The following ATP1B1 variants were observed in gnomAD, a reference collection of about 807,000 sequenced individuals.
ATP1B1 encodes the protein sodium/potassium-transporting ATPase subunit beta-1.
A neutral mutation model predicts 39.6 loss-of-function variants in ATP1B1; 3 were observed. The ratio of observed to expected loss-of-function variants is 0.08; its 90% CI spans 0.03 to 0.20. The LOEUF is 0.20. Ranked by LOEUF, ATP1B1 falls within the 10% of genes least tolerant of loss-of-function variation. The pLI is 1.00. For missense variants in ATP1B1, 216 were observed against 371.1 expected, an observed-to-expected ratio of 0.58 and a Z score of 3.43; for synonymous variants, 139 against 135.0, an observed-to-expected ratio of 1.03 and a Z score of -0.20.
At chr1:169,116,228 C>G (rs569316619) in intron 2 of ATP1B1, among the ~76,000 whole-genome samples, 15 of 152,372 alleles carry the variant, frequency 9.8e-5, no homozygotes, top group Non-Finnish European at 2.1e-4. Context: ...TCCCCCACCT[C>G]AGGCTCACTT....
Position 169,132,611 on chromosome 1 carries a change from A to G in ATP1B1, c.*1056A>G. 1.8e-6 allele frequency: 1 copy of G among 559,264 alleles called. No individual in the cohort carries two copies. The highest frequency in any genetic ancestry group is 2.8e-5 in the South Asian group (1 of 36,010). The allele number at this position is 559,264 out of a possible 1,614,324, so 34.6% of individuals were successfully genotyped here. ...TAGACTGGTGTTAAATGTTGTCTAC[A>G]GTGCAAAATCCATGTTCTAACATAT... is the stretch of plus-strand genomic sequence containing the variant. On this transcript the variant is annotated 3_prime_UTR_variant, in exon 6 of 6. Coordinates refer to ENST00000367815, the MANE Select transcript of ATP1B1 (RefSeq NM_001677.4).
chr1:169,113,513 C>A (rs1261938203), intron 2 of ATP1B1, among the ~76,000 whole-genome samples: 3 of 151,942 alleles, frequency 2.0e-5, no homozygotes, highest in Non-Finnish European at 4.4e-5. Context: ...ACTAAAAATT[C>A]TCTTTGTGCC....
chr1:169,117,486 C>T (rs1289406768), intron 2 of ATP1B1, among the ~76,000 whole-genome samples: 3 of 152,056 alleles, frequency 2.0e-5, no homozygotes, highest in Admixed American at 6.5e-5. Flanking sequence ...ACAGATCTTA[C>T]ATTGTATGCC....
At chr1:169,120,371 G>T (rs957018219) in intron 2 of ATP1B1, among the ~76,000 whole-genome samples, 1 of 152,176 alleles carries the variant, frequency 6.6e-6, no homozygotes, top group African/African-American at 2.4e-5. Context: ...TAAGGCTTAT[G>T]TTAGTTACCA....
chr1:169,131,512 G>A lies in ATP1B1; in HGVS notation c.869G>A (p.Arg290His), dbSNP rs1381693637. ...AACATTGGGTACAGTGAGAAAGACC[G>A]TTTTCAGGGACGTTTTGATGTAAAA... ...GENIGYSEKD[R>H]FQGRFDVKIE... is the part of the protein sequence containing the mutation. Residue 290 changes from arginine (R) to histidine (H), a missense_variant, in exon 6 of 6, where the codon CGT (arginine) becomes CAT (histidine). Arg to His is a conservative substitution (Grantham distance 29, BLOSUM62 0). Coordinates refer to ENST00000367815, the MANE Select transcript of ATP1B1 (RefSeq NM_001677.4). The surrounding 1 kb of genome is among the most constrained non-coding windows in gnomAD (Gnocchi z 4.4). 1.9e-6 allele frequency: 3 copies of A among 1,613,878 alleles called. No individual in the cohort carries two copies. The highest frequency in any genetic ancestry group is 2.5e-6 in the Non-Finnish European group (3 of 1,179,946).
intron 1 of ATP1B1, chr1:169,108,286 T>A (rs1657648257): frequency 6.6e-6 from 1 of 152,190 alleles, no homozygotes; most frequent in Non-Finnish European, 1.5e-5. Context: ...TGGGGAGACT[T>A]CTTCATTGAG....
In ATP1B1 at chr1:169,127,306, G is replaced by T. The variant is rs376981775; in HGVS notation, c.465G>T (p.Trp155Cys). Residue 155 changes from tryptophan (W) to cysteine (C), a missense_variant, in exon 4 of 6, where the codon TGG becomes TGT. Coordinates refer to ENST00000367815, the MANE Select transcript of ATP1B1 (RefSeq NM_001677.4). ...AGGTCTGCAGATTCAAGCTTGAATGGCTGGGAAATTGCTCTGGATTAAATG... is the reference window on the plus strand; with the variant it reads ...AGGTCTGCAGATTCAAGCTTGAATGTCTGGGAAATTGCTCTGGATTAAATG... ...ERKVCRFKLEWLGNCSGLNDE... is the reference protein window; with the variant it reads ...ERKVCRFKLECLGNCSGLNDE... 2 of 1,610,878 alleles carry T rather than the reference G, an allele frequency of 1.2e-6. No individual in the cohort carries two copies. Among genetic ancestry groups the T allele is most frequent in the Non-Finnish European group, 1.7e-6 (2 of 1,178,972 alleles).
At chr1:169,128,214 C>T (rs563628115) in intron 4 of ATP1B1, among the ~76,000 whole-genome samples, 27 of 152,178 alleles carry the variant, frequency 1.8e-4, no homozygotes, top group South Asian at 1.0e-3. Flanking sequence ...CCTAATCACC[C>T]GTATATGAGC....
chr1:169,117,507 T>C (rs1031168535), intron 2 of ATP1B1, among the ~76,000 whole-genome samples: 1 of 152,054 alleles, frequency 6.6e-6, no homozygotes, highest in African/African-American at 2.4e-5. Flanking sequence ...CATTGTATGA[T>C]GAATAAGCAG....
At chr1:169,123,666 A>G (rs1221690659) in intron 2 of ATP1B1, among the ~76,000 whole-genome samples, 1 of 150,716 alleles carries the variant, frequency 6.6e-6, no homozygotes, top group African/African-American at 2.4e-5. Flanking sequence ...AGTCTCTGTC[A>G]CCCAGACTGG....
At chr1:169,114,070 C>T (rs1398195474) in intron 2 of ATP1B1, among the ~76,000 whole-genome samples, 1 of 152,054 alleles carries the variant, frequency 6.6e-6, no homozygotes, top group Non-Finnish European at 1.5e-5. Flanking sequence ...GCCAGGCCAG[C>T]AGAGTGCCGG....
At chr1:169,107,889 A>T (rs1200129) in intron 1 of ATP1B1, 20,168 of 151,800 alleles carry the variant, frequency 0.13, 1,630 homozygotes, top group South Asian at 0.25. Flanking sequence ...CTCCAACATC[A>T]TCATCATCAT....
rs556615808 is a variant in ATP1B1 at position 169,129,990 on chromosome 1, A to C, written c.568-20A>C. 2.5e-5 allele frequency: 40 copies of C among 1,609,620 alleles called. No individual in the cohort carries two copies. The African/African-American group carries it at 5.2e-4, about 21-fold the overall frequency. On this transcript the variant is annotated intron_variant, in intron 4 of 5. Coordinates refer to ENST00000367815, the MANE Select transcript of ATP1B1 (RefSeq NM_001677.4). ...AGAAATCATTTACAATCTACTGATC[A>C]TAATGGGTTTTATTTTTAGCCTCCC...
chr1:169,115,258 A>G (rs1400441926), intron 2 of ATP1B1, among the ~76,000 whole-genome samples: 2 of 151,828 alleles, frequency 1.3e-5, no homozygotes, highest in African/African-American at 4.8e-5. Context: ...GATGATAAAC[A>G]TATATAAAGC....
intron 1 of ATP1B1, 65 bp downstream of exon 1, chr1:169,106,991 C>T (rs1330681349): frequency 4.8e-6 from 7 of 1,455,528 alleles, no homozygotes; most frequent in Non-Finnish European, 6.5e-6. Flanking sequence ...GCATCCCCTG[C>T]GCAGGGTCCG....
rs1658213347 is a variant in ATP1B1, at chr1:169,131,240, A to G, written c.649-52A>G. 7.6e-6 allele frequency: 12 copies of G among 1,588,872 alleles called. No individual in the cohort carries two copies. Among genetic ancestry groups the G allele is most frequent in the Non-Finnish European group, 1.0e-5 (12 of 1,167,058 alleles). ...GATTGAGTCTTGTTTTTGAGTACAC[A>G]TAGTGATGCATGATGTGAGCCATTA... is the stretch of plus-strand genomic sequence containing the variant. On this transcript the variant is annotated intron_variant, in intron 5 of 5. Coordinates refer to ENST00000367815, the MANE Select transcript of ATP1B1 (RefSeq NM_001677.4). The surrounding 1 kb of genome is among the most constrained non-coding windows in gnomAD (Gnocchi z 4.4).
intron 2 of ATP1B1, among the ~76,000 whole-genome samples, chr1:169,123,727 A>G (rs1476169359): frequency 6.6e-6 from 1 of 151,856 alleles, no homozygotes; most frequent in Admixed American, 6.6e-5. Context: ...CCCGGGTTCA[A>G]GTGATTCTCC....
chr1:169,113,970 CGGG>C (rs1342857748), intron 2 of ATP1B1, among the ~76,000 whole-genome samples: 2 of 151,934 alleles, frequency 1.3e-5, no homozygotes, highest in Admixed American at 6.6e-5. Flanking sequence ...TGGGGTTTTT[CGGG>C]GGCCTTTACC....
At position 169,132,464 on chromosome 1, in the gene ATP1B1, A is replaced by G. The variant is rs774938656; in HGVS notation, c.*909A>G. On this transcript the variant is annotated 3_prime_UTR_variant, in exon 6 of 6. Coordinates refer to ENST00000367815, the MANE Select transcript of ATP1B1 (RefSeq NM_001677.4). ...TTCATGGTGGAAGAATTTTATATTT[A>G]TGCAGTTGTACAATTTTATTTTTTT... 92 of 430,456 alleles carry G rather than the reference A, an allele frequency of 2.1e-4. No individual in the cohort carries two copies. The highest frequency in any genetic ancestry group is 3.4e-4 in the Non-Finnish European group (84 of 244,142). 26.7% of individuals were successfully genotyped at this position (430,456 alleles called of 1,614,324 possible).
Sources: allele counts gnomAD v4.1 joint callset (sites outside exome capture counted in the v4.1 genomes callset), GRCh38; gene constraint gnomAD v4.1.1; non-coding constraint Gnocchi (gnomAD v3.1); transcripts MANE v1.5; gene names NCBI Gene and HGNC (gene_info 2026-07-23, HGNC 2026-07-21).